The following ECT2L variants were observed in gnomAD, a reference collection of about 807,000 sequenced individuals.
ECT2L encodes the protein epithelial cell-transforming sequence 2 oncogene-like.
Under a neutral mutation model 122.8 loss-of-function variants are expected in ECT2L, and 126 were observed. The observed-to-expected ratio is 1.03, with a 90% confidence interval of 0.89 to 1.19. The LOEUF (loss-of-function observed/expected upper bound fraction) is 1.19. Among genes scored for constraint, ECT2L ranks in the 50% most tolerant of loss-of-function variants. The pLI, the probability that ECT2L is intolerant of heterozygous loss-of-function variation, is 0.00. For missense variants in ECT2L, 1,012 were observed against 1,064.1 expected (o/e 0.95, Z 0.68); for synonymous variants, 385 against 381.8 (o/e 1.01, Z -0.10).
intron 10 of ECT2L, among the ~76,000 whole-genome samples, chr6:138,857,183 C>T (rs532520268): frequency 6.6e-6 from 1 of 152,216 alleles, no homozygotes; most frequent in East Asian, 1.9e-4. Flanking sequence ...TGGATTGTTT[C>T]TATCAAATCA....
chr6:138,837,994 G>A (rs1370944285), intron 4 of ECT2L, among the ~76,000 whole-genome samples: 2 of 151,498 alleles, frequency 1.3e-5, no homozygotes, highest in African/African-American at 4.9e-5. Flanking sequence ...TCAGTCTCCT[G>A]GGTTCAAGTG....
chr6:138,836,568 G>A (rs149822041), intron 4 of ECT2L, among the ~76,000 whole-genome samples: 225 of 151,970 alleles, frequency 1.5e-3, no homozygotes, highest in East Asian at 9.1e-3. Context: ...GATTACAGGC[G>A]TGAGCCACTC....
intron 14 of ECT2L, among the ~76,000 whole-genome samples, chr6:138,878,741 G>A (rs1159121086): frequency 6.6e-6 from 1 of 152,000 alleles, no homozygotes; most frequent in Non-Finnish European, 1.5e-5. Context: ...GCCACCGCAC[G>A]TGGCCAAGGA....
chr6:138,888,057 C>G (rs968183350), intron 19 of ECT2L, among the ~76,000 whole-genome samples: 26 of 152,148 alleles, frequency 1.7e-4, no homozygotes, highest in Non-Finnish European at 7.3e-5. Flanking sequence ...ATTAAAGTAT[C>G]AATTGATTAG....
chr6:138,896,000 T>C (rs1350764707), intron 20 of ECT2L, among the ~76,000 whole-genome samples: 2 of 152,128 alleles, frequency 1.3e-5, no homozygotes, highest in African/African-American at 4.8e-5. Context: ...CATGGACCAT[T>C]ATTTTGGGTA....
intron 20 of ECT2L, among the ~76,000 whole-genome samples, chr6:138,897,812 T>C (rs1427130311): frequency 6.6e-6 from 1 of 152,136 alleles, no homozygotes; most frequent in African/African-American, 2.4e-5. Flanking sequence ...GGGCCAACCA[T>C]CCACCTGGTC....
At position 138,885,683 on chromosome 6, in the gene ECT2L, G is replaced by T; in HGVS notation, c.2112G>T (p.Glu704Asp). The change falls in exon 18 of 22, where the codon GAG becomes GAT. Residue 704 changes from glutamate to aspartate, a missense_variant. Coordinates refer to ENST00000541398, the MANE Select transcript of ECT2L (RefSeq NM_001077706.3). ...TCTATGCCTCATACAGCCTGCCAGA[G>T]CTGCTGCTGTACCCATCCCGAAGAT... is the stretch of plus-strand genomic sequence containing the variant. Reference protein sequence around the residue: ...TIVTKMLSLPELLLYPSRRFE... With the variant: ...TIVTKMLSLPDLLLYPSRRFE... 1 of 1,613,980 alleles carries T rather than the reference G, an allele frequency of 6.2e-7. No individual in the cohort carries two copies. The highest frequency in any genetic ancestry group is 8.5e-7 in the Non-Finnish European group (1 of 1,179,956).
At position 138,843,430 on chromosome 6, in the gene ECT2L, C is replaced by T. The variant is rs544716308; in HGVS notation, c.595+199C>T. Among the ~76,000 whole-genome samples the T allele has an allele frequency of 3.3e-5, 5 of 152,238 alleles. No homozygotes were observed. In the South Asian group the frequency reaches 1.0e-3, roughly 32 times the overall value. ...AAAAACAAAGATTTCAGACAAAATA[C>T]ATAAGGTTAAATATCAGTGCTTCCA... On this transcript the variant is annotated intron_variant, in intron 6 of 21. Coordinates refer to ENST00000541398, the MANE Select transcript of ECT2L (RefSeq NM_001077706.3).
intron 13 of ECT2L, among the ~76,000 whole-genome samples, chr6:138,873,889 T>TGG (rs1778346247): frequency 7.8e-6 from 1 of 127,950 alleles, no homozygotes; most frequent in African/African-American, 3.0e-5. Context: ...TGTGTGTGTG[T>TGG]GTGTGTGTGT....
At chr6:138,896,239 C>T (rs1779208802) in intron 20 of ECT2L, among the ~76,000 whole-genome samples, 2 of 151,854 alleles carry the variant, frequency 1.3e-5, no homozygotes, top group African/African-American at 4.8e-5. Context: ...CCAAAGCTTA[C>T]TGATTTTTAA....
intron 18 of ECT2L, among the ~76,000 whole-genome samples, chr6:138,886,166 A>C (rs1019776634): frequency 3.9e-5 from 6 of 152,182 alleles, no homozygotes; most frequent in African/African-American, 1.4e-4. Flanking sequence ...AGTACTTTCA[A>C]TGCATTAATT....
intron 1 of ECT2L, among the ~76,000 whole-genome samples, chr6:138,810,717 T>A (rs1775864484): frequency 6.6e-6 from 1 of 152,144 alleles, no homozygotes; most frequent in Non-Finnish European, 1.5e-5. Context: ...AATGGGACTA[T>A]CTATTGCAGT....
chr6:138,848,821 T>A (rs1182559735), intron 8 of ECT2L, among the ~76,000 whole-genome samples: 1 of 152,142 alleles, frequency 6.6e-6, no homozygotes, highest in African/African-American at 2.4e-5. Flanking sequence ...ACCCACCTAA[T>A]TTTTGTATTT....
chr6:138,886,992 A>G, intron 19 of ECT2L, 70 bp downstream of exon 19: 2 of 1,284,438 alleles, frequency 1.6e-6, no homozygotes, highest in Non-Finnish European at 2.2e-6. Flanking sequence ...GCAAAAGGAG[A>G]CCTACAGATC....
At chr6:138,850,994 C>CAAAAAAAA (rs34453938) in intron 9 of ECT2L, among the ~76,000 whole-genome samples, 62 of 57,750 alleles carry the variant, frequency 1.1e-3, no homozygotes, top group Non-Finnish European at 1.4e-3. Context: ...AACTCCATCT[C>CAAAAAAAA]AAAAAAAAAA....
chr6:138,884,594 T>C lies in ECT2L; in HGVS notation c.2029-912T>C, dbSNP rs946595574. On this transcript the variant is annotated intron_variant, in intron 16 of 21. Transcript: ENST00000541398. ...CAGAGGTTGCAGTGAGCCGAGATTA[T>C]GCCACTCTACTCCAGCCTGGATGAC... Among the ~76,000 whole-genome samples the C allele has an allele frequency of 4.6e-5, 7 of 152,100 alleles. No homozygotes were observed. The South Asian group carries it at 1.2e-3, about 27-fold the overall frequency.
In ECT2L at chr6:138,802,512, C is replaced by A. The variant is rs182915724; in HGVS notation, c.-244+6320C>A. On this transcript the variant is annotated intron_variant, in intron 1 of 21. Transcript: ENST00000541398. Reference sequence around the variant, plus strand: ...AGGGAAAATGCTGGATATTATTTTCCCCTTTTGAAGATTCGTTGTGAACAT... The same window carrying A: ...AGGGAAAATGCTGGATATTATTTTCACCTTTTGAAGATTCGTTGTGAACAT... 2.2e-4 allele frequency among the ~76,000 whole-genome samples: 33 copies of A among 152,282 alleles called. No homozygotes were observed. In the East Asian group the frequency reaches 6.0e-3, roughly 28 times the overall value.
intron 4 of ECT2L, among the ~76,000 whole-genome samples, chr6:138,820,027 C>T (rs760972589): frequency 6.6e-6 from 1 of 152,144 alleles, no homozygotes; most frequent in African/African-American, 2.4e-5. Context: ...TCCTGCTTAC[C>T]GGGTTAGACA....
chr6:138,890,667 TCAAA>T (rs1044694278), intron 20 of ECT2L, among the ~76,000 whole-genome samples: 3 of 152,094 alleles, frequency 2.0e-5, no homozygotes, highest in African/African-American at 7.2e-5. Flanking sequence ...GTATTCCTTC[TCAAA>T]CACTCTTCCT....
Sources: allele counts gnomAD v4.1 joint callset (sites outside exome capture counted in the v4.1 genomes callset), GRCh38; gene constraint gnomAD v4.1.1; transcripts MANE v1.5; gene names NCBI Gene and HGNC (gene_info 2026-07-23, HGNC 2026-07-21).